PPP1CC: variants seen among roughly 807,000 people sequenced by gnomAD.
PPP1CC encodes the protein protein phosphatase 1 catalytic subunit gamma.
PPP1CC carries 16 observed loss-of-function variants against 38.4 expected under a neutral mutation model. The observed-to-expected ratio is 0.42, with a 90% CI of 0.28 to 0.63. The LOEUF (loss-of-function observed/expected upper bound fraction) is 0.63, where lower values mean the gene tolerates loss of function less well. PPP1CC is among the 30% of genes least tolerant of loss of function. The probability of loss-of-function intolerance (pLI) is 0.25; values close to 1 mark genes in which losing one functional copy is unlikely to be tolerated. For missense variants in PPP1CC, 170 were observed against 391.3 expected (o/e 0.43, Z 4.77); for synonymous variants, 158 against 136.0 (o/e 1.16, Z -1.13).
chr12:110,716,358 T>A (rs977911700), downstream of PPP1CC, among the ~76,000 whole-genome samples: 1 of 145,592 alleles, frequency 6.9e-6, no homozygotes, highest in Non-Finnish European at 1.5e-5. Flanking sequence ...AGTTTTAACT[T>A]TTTTTTTTTT....
At chr12:110,736,741 A>C (rs1389261348) in intron 1 of PPP1CC, among the ~76,000 whole-genome samples, 1 of 152,246 alleles carries the variant, frequency 6.6e-6, no homozygotes, top group Non-Finnish European at 1.5e-5. Context: ...TGCTGGCAAA[A>C]AGCAAAGCAA....
chr12:110,742,356 G>A (rs970806234), intron 1 of PPP1CC, among the ~76,000 whole-genome samples: 1 of 152,286 alleles, frequency 6.6e-6, no homozygotes, highest in Non-Finnish European at 1.5e-5. Context: ...CAAACGGGTA[G>A]GGGCGGGAAA....
At position 110,721,185 on chromosome 12, in the gene PPP1CC, T is replaced by G; in HGVS notation, c.883-20A>C. 1 of 1,601,986 alleles carries G rather than the reference T, an allele frequency of 6.2e-7. No individual in the cohort carries two copies. The highest frequency in any genetic ancestry group is 8.5e-7 in the Non-Finnish European group (1 of 1,170,054). Reference sequence around the variant, plus strand: ...TAAAATCTGGAGATTCAAAAGACAGTTAATTTAGGAAATATACTCAACCCC... The same window carrying G: ...TAAAATCTGGAGATTCAAAAGACAGGTAATTTAGGAAATATACTCAACCCC... On this transcript the variant is annotated intron_variant, in intron 6 of 6. Coordinates refer to ENST00000335007, the MANE Select transcript of PPP1CC (RefSeq NM_002710.4).
intron 1 of PPP1CC, among the ~76,000 whole-genome samples, chr12:110,733,407 G>T (rs1373657752): frequency 6.6e-6 from 1 of 152,102 alleles, no homozygotes; most frequent in African/African-American, 2.4e-5. Flanking sequence ...ACCATATAAT[G>T]GCAAGCTTTG....
chr12:110,720,113 G>C lies in PPP1CC; in HGVS notation c.*963C>G, dbSNP rs1467017583. The stretch of plus-strand genomic sequence containing the variant: ...ACTTCACCGCAGAATAAAGAATGTA[G>C]GCCAAAGAAAGCATAATCGGTCACT... On this transcript the variant is annotated 3_prime_UTR_variant, in exon 7 of 7. Transcript: ENST00000335007. The C allele has an allele frequency of 2.6e-6, 4 of 1,537,078 alleles. No homozygotes were observed. The African/African-American group carries it at 5.5e-5, about 21-fold the overall frequency.
the PPP1CC span, among the ~76,000 whole-genome samples, chr12:110,713,024 G>T: frequency 6.6e-6 from 1 of 151,986 alleles, no homozygotes; most frequent in African/African-American, 2.4e-5. Context: ...GGTGAGCCGA[G>T]ATTGCACCAT....
chr12:110,719,131 ATCAT>A (rs1265529054), downstream of PPP1CC, among the ~76,000 whole-genome samples: 4 of 152,198 alleles, frequency 2.6e-5, no homozygotes, highest in Admixed American at 2.6e-4. Context: ...TGACACAATT[ATCAT>A]TCACTGTTTT....
rs1172681722 is a variant in PPP1CC, at chr12:110,721,076, C to G, written c.972G>C (p.Ter324TyrextTer4). 6 of 1,613,508 alleles carry G rather than the reference C, an allele frequency of 3.7e-6. No homozygotes were observed. Among genetic ancestry groups the G allele is most frequent in the Non-Finnish European group, 5.1e-6 (6 of 1,179,584 alleles). Reference protein sequence around the residue: ...RGMITKQAKK* With the variant: ...RGMITKQAKKY ...CGACTAGGCAGTGTCAAAACGACAT[C>G]TATTTCTTTGCTTGCTTTGTGATCA... The change falls in exon 7 of 7, where the codon TAG (stop) becomes TAC (tyrosine). Residue 324 changes from the stop codon to tyrosine (Y), a stop_lost. Coordinates refer to ENST00000335007, the MANE Select transcript of PPP1CC (RefSeq NM_002710.4).
chr12:110,732,003 G>GT lies in PPP1CC; in HGVS notation c.56-103dup, dbSNP rs774781930. On this transcript the variant is annotated intron_variant, in intron 1 of 6. Coordinates refer to ENST00000335007, the MANE Select transcript of PPP1CC (RefSeq NM_002710.4). Reference sequence around the variant, plus strand: ...AAACATGGTTTAACTAGCTTTCTGAGTGGCTTCATTTTCAGGACACTTATA... The same window carrying GT: ...AAACATGGTTTAACTAGCTTTCTGAGTTGGCTTCATTTTCAGGACACTTATA... 4.6e-6 allele frequency: 6 copies of GT among 1,310,964 alleles called. No homozygotes were observed. The South Asian group carries it at 8.3e-5, about 18-fold the overall frequency. The allele number at this position is 1,310,964 out of a possible 1,614,324, so 81.2% of individuals were successfully genotyped here.
chr12:110,716,476 C>T (rs781296549), downstream of PPP1CC, among the ~76,000 whole-genome samples: 6 of 152,020 alleles, frequency 3.9e-5, no homozygotes, highest in African/African-American at 7.3e-5. Flanking sequence ...CCTCAGCCTC[C>T]CGAGTAGCTG....
At chr12:110,730,868 T>G in intron 2 of PPP1CC, 109 bp from the exon 3 acceptor site, 1 of 701,084 alleles carries the variant, frequency 1.4e-6, no homozygotes, top group South Asian at 2.1e-5. Context: ...GGCATTGACC[T>G]CTAGTAATGA....
chr12:110,711,641 C>T, the PPP1CC span, among the ~76,000 whole-genome samples: 3 of 151,882 alleles, frequency 2.0e-5, no homozygotes, highest in Admixed American at 1.3e-4. Context: ...AAAAAATACA[C>T]TAGCCAGGGG....
In PPP1CC at chr12:110,720,248, T is replaced by C; in HGVS notation, c.*828A>G. 4 of 1,459,552 alleles carry C rather than the reference T, an allele frequency of 2.7e-6. No homozygotes were observed. The highest frequency in any genetic ancestry group is 1.4e-5 in the African/African-American group (1 of 71,426). 90.4% of individuals were successfully genotyped at this position (1,459,552 alleles called of 1,614,324 possible). A position where few individuals can be genotyped will look rare whatever the true frequency, so the allele number is the denominator to read the frequency against. On this transcript the variant is annotated 3_prime_UTR_variant, in exon 7 of 7. Transcript: ENST00000335007. ...ATGAATAGACTATATGGAAATTGTA[T>C]AAAATGTTATTACCTTTTATCGTTA... is the stretch of plus-strand genomic sequence containing the variant.
At chr12:110,735,161 C>G (rs1391115257) in intron 1 of PPP1CC, among the ~76,000 whole-genome samples, 1 of 151,164 alleles carries the variant, frequency 6.6e-6, no homozygotes, top group East Asian at 2.0e-4. Context: ...TCAAGTGATT[C>G]TCCTGCCTCA....
intron 1 of PPP1CC, among the ~76,000 whole-genome samples, chr12:110,735,194 T>C (rs975165493): frequency 2.0e-5 from 3 of 151,036 alleles, no homozygotes; most frequent in Admixed American, 1.3e-4. Flanking sequence ...GCTGGGATTA[T>C]AGGCGTGCGC....
In PPP1CC at chr12:110,721,066, A is replaced by G; in HGVS notation, c.*10T>C. 1.9e-6 allele frequency: 3 copies of G among 1,613,100 alleles called. No individual in the cohort carries two copies. Among genetic ancestry groups the G allele is most frequent in the Non-Finnish European group, 2.5e-6 (3 of 1,179,078 alleles). On this transcript the variant is annotated 3_prime_UTR_variant, in exon 7 of 7. Transcript: ENST00000335007. ...TTACAAGTCCCGACTAGGCAGTGTC[A>G]AAACGACATCTATTTCTTTGCTTGC...
At chr12:110,709,187 C>A in the PPP1CC span, among the ~76,000 whole-genome samples, 1 of 151,992 alleles carries the variant, frequency 6.6e-6, no homozygotes, top group African/African-American at 2.4e-5. Context: ...TTGGAATAAT[C>A]AGATAGAACA....
At chr12:110,739,728 T>G (rs556279483) in intron 1 of PPP1CC, among the ~76,000 whole-genome samples, 93 of 152,294 alleles carry the variant, frequency 6.1e-4, no homozygotes, top group African/African-American at 2.2e-3. Flanking sequence ...AACCAAGATG[T>G]GAAGTAAGTT....
At chr12:110,738,421 C>G (rs183637995) in intron 1 of PPP1CC, among the ~76,000 whole-genome samples, 19 of 152,284 alleles carry the variant, frequency 1.2e-4, no homozygotes, top group Admixed American at 1.2e-3. Flanking sequence ...TCTCTCAGGT[C>G]AACTAATGGC....
Sources: gnomAD v4.1 joint callset for allele counts (sites outside exome capture counted in the v4.1 genomes callset) on GRCh38, gnomAD v4.1.1 for gene constraint, MANE v1.5 for transcripts, NCBI Gene and HGNC (gene_info 2026-07-23, HGNC 2026-07-21) for gene names.